The following GABRB3 variants were observed in gnomAD, a reference collection of about 807,000 sequenced individuals.
GABRB3 encodes gamma-aminobutyric acid receptor subunit beta-3.
Under a neutral mutation model 52.1 loss-of-function variants are expected in GABRB3, and 14 were observed. That is an observed-to-expected ratio of 0.27 (90% CI 0.18 to 0.42). The LOEUF is 0.42. Among genes scored for constraint, GABRB3 ranks in the 10% least tolerant of loss-of-function variants. The pLI is 1.00. For synonymous variants in GABRB3, 260 were observed against 232.3 expected, an observed-to-expected ratio of 1.12 and a Z score of -1.08; for missense variants, 307 against 609.1, an observed-to-expected ratio of 0.50 and a Z score of 5.22.
chr15:26,723,102 T>C (rs187519476), intron 3 of GABRB3, among the ~76,000 whole-genome samples: 18 of 152,244 alleles, frequency 1.2e-4, no homozygotes, highest in African/African-American at 3.6e-4. Flanking sequence ...GTAAGCACAT[T>C]AATAAAGGGG....
chr15:26,728,594 C>A (rs1390333386), intron 3 of GABRB3, among the ~76,000 whole-genome samples: 1 of 152,154 alleles, frequency 6.6e-6, no homozygotes, highest in Non-Finnish European at 1.5e-5. Flanking sequence ...GCACACGCTG[C>A]CAACACAAAA....
chr15:26,677,006 C>T (rs1262460068), intron 3 of GABRB3, among the ~76,000 whole-genome samples: 2 of 152,276 alleles, frequency 1.3e-5, no homozygotes, highest in South Asian at 2.1e-4. Context: ...CTGGGTATGA[C>T]AGGTCTGGGA....
intron 3 of GABRB3, among the ~76,000 whole-genome samples, chr15:26,771,172 AAT>A (rs1287426608): frequency 1.3e-5 from 2 of 152,218 alleles, no homozygotes; most frequent in Non-Finnish European, 2.9e-5. Flanking sequence ...TATTTTTAAA[AAT>A]AGTTTTACTT....
At chr15:26,732,292 A>AGATGGATG (rs5811444) in intron 3 of GABRB3, among the ~76,000 whole-genome samples, 239 of 146,912 alleles carry the variant, frequency 1.6e-3, no homozygotes, top group Middle Eastern at 3.6e-3. Context: ...ATGGATGGAT[A>AGATGGATG]GATGGATGGA....
intron 7 of GABRB3, among the ~76,000 whole-genome samples, chr15:26,561,387 G>C (rs916427324): frequency 1.3e-5 from 2 of 152,218 alleles, no homozygotes; most frequent in African/African-American, 4.8e-5. Flanking sequence ...GTACTCTGGG[G>C]AAGTGAAGCC....
chr15:26,773,698 C>T (rs1891227080), upstream of GABRB3: 1 of 1,572,798 alleles, frequency 6.4e-7, no homozygotes, highest in African/African-American at 1.3e-5. Flanking sequence ...AGATGGGCAG[C>T]AGGAGCTCCA....
In GABRB3 at chr15:26,591,861, T is replaced by C. The variant is rs139214538; in HGVS notation, c.462-8447A>G. The stretch of plus-strand genomic sequence containing the variant: ...TTAAATCAACTTAAATGAAATAATA[T>C]TAAAAATGTAGCTCCTCCGATGTTC... On this transcript the variant is annotated intron_variant, in intron 4 of 8. Coordinates refer to ENST00000311550, the MANE Select transcript of GABRB3 (RefSeq NM_000814.6). Among the ~76,000 whole-genome samples, 22 of 152,326 alleles carry C rather than the reference T, an allele frequency of 1.4e-4. No homozygotes were observed. In the East Asian group the frequency reaches 2.7e-3, roughly 19 times the overall value.
At chr15:26,688,811 A>C (rs1888487614) in intron 3 of GABRB3, among the ~76,000 whole-genome samples, 1 of 152,186 alleles carries the variant, frequency 6.6e-6, no homozygotes. Context: ...TATTCAAAGA[A>C]TCCTACAAAG....
chr15:26,729,526 C>T (rs1415307110), intron 3 of GABRB3, among the ~76,000 whole-genome samples: 1 of 152,162 alleles, frequency 6.6e-6, no homozygotes, highest in African/African-American at 2.4e-5. Context: ...TTGCACACAA[C>T]CCCTGCAGAA....
chr15:26,642,322 A>G, intron 3 of GABRB3: 1 of 375,344 alleles, frequency 2.7e-6, no homozygotes. Flanking sequence ...AGGACTGACT[A>G]TGGGACTTGA....
At chr15:26,708,093 G>A (rs1889164385) in intron 3 of GABRB3, among the ~76,000 whole-genome samples, 1 of 152,108 alleles carries the variant, frequency 6.6e-6, no homozygotes, top group Non-Finnish European at 1.5e-5. Context: ...AAAATACTCA[G>A]CCTATAATAC....
chr15:26,714,540 T>A (rs1889406683), intron 3 of GABRB3, among the ~76,000 whole-genome samples: 1 of 152,134 alleles, frequency 6.6e-6, no homozygotes, highest in South Asian at 2.1e-4. Flanking sequence ...AGACTGGAAG[T>A]GGGGCGGGGC....
chr15:26,596,854 T>C (rs1217353479), intron 4 of GABRB3, among the ~76,000 whole-genome samples: 3 of 152,192 alleles, frequency 2.0e-5, no homozygotes, highest in Admixed American at 1.3e-4. Context: ...ATGAAATTTC[T>C]TTCTTACAGT....
chr15:26,690,966 C>T (rs1888570159), intron 3 of GABRB3, among the ~76,000 whole-genome samples: 1 of 151,608 alleles, frequency 6.6e-6, no homozygotes, highest in Admixed American at 6.6e-5. Flanking sequence ...TCTTTCAAAC[C>T]CCAGCTGATC....
intron 6 of GABRB3, among the ~76,000 whole-genome samples, chr15:26,570,627 G>A (rs1890359329): frequency 6.6e-6 from 1 of 151,964 alleles, no homozygotes; most frequent in South Asian, 2.1e-4. Context: ...ACATTTTTTA[G>A]TCAAAGAGGT....
At chr15:26,559,400 C>T (rs1045863986) in intron 8 of GABRB3, among the ~76,000 whole-genome samples, 1 of 152,106 alleles carries the variant, frequency 6.6e-6, no homozygotes, top group Non-Finnish European at 1.5e-5. Flanking sequence ...GTAAAACCTG[C>T]AGAACTGTGA....
At chr15:26,634,511 C>A (rs1025106809) in intron 3 of GABRB3, among the ~76,000 whole-genome samples, 13 of 152,080 alleles carry the variant, frequency 8.5e-5, no homozygotes, top group African/African-American at 2.9e-4. Flanking sequence ...TGGAGTGTTT[C>A]CACTGATGTC....
chr15:26,737,812 AT>A (rs1328661194), intron 3 of GABRB3, among the ~76,000 whole-genome samples: 3 of 152,196 alleles, frequency 2.0e-5, no homozygotes, highest in Admixed American at 2.0e-4. Flanking sequence ...ACTTAATGTT[AT>A]ATAAACATTC....
chr15:26,558,582 G>A (rs1889845527), intron 8 of GABRB3, among the ~76,000 whole-genome samples: 1 of 152,062 alleles, frequency 6.6e-6, no homozygotes, highest in Non-Finnish European at 1.5e-5. Context: ...AGGTGTATTA[G>A]GCCATTCTCT....
Sources: gnomAD v4.1 joint callset for allele counts (sites outside exome capture counted in the v4.1 genomes callset) on GRCh38, gnomAD v4.1.1 for gene constraint, MANE v1.5 for transcripts, NCBI Gene and HGNC (gene_info 2026-07-23, HGNC 2026-07-21) for gene names.